THBS4: variants seen among roughly 807,000 people sequenced by gnomAD.
The protein encoded by THBS4 is thrombospondin 4, also known as thrombospondin-4.
THBS4 carries 90 observed loss-of-function variants against 115.7 expected under a neutral mutation model. The observed-to-expected ratio is 0.78, with a 90% CI of 0.66 to 0.93. The LOEUF (loss-of-function observed/expected upper bound fraction) is 0.93. Among genes scored for constraint, THBS4 ranks in the 40% least tolerant of loss-of-function variants. THBS4 has a pLI of 0.00. For synonymous variants in THBS4, 460 were observed against 479.3 expected, an observed-to-expected ratio of 0.96 and a Z score of 0.53; for missense variants, 1,087 against 1,232.7, an observed-to-expected ratio of 0.88 and a Z score of 1.77.
At chr5:80,060,000 C>A in intron 7 of THBS4, 95 bp downstream of exon 7, 1 of 1,246,026 alleles carries the variant, frequency 8.0e-7, no homozygotes, top group Non-Finnish European at 1.1e-6. Flanking sequence ...TAAGGGCTGA[C>A]TTGGGCTGTC....
In THBS4 at chr5:80,039,664, C is replaced by A. The variant is rs370944297; in HGVS notation, c.89-413C>A. Among the ~76,000 whole-genome samples the A allele has an allele frequency of 3.9e-5, 6 of 152,284 alleles. No homozygotes were observed. In the East Asian group the frequency reaches 5.8e-4, roughly 15 times the overall value. On this transcript the variant is annotated intron_variant, in intron 1 of 21. Transcript: ENST00000350881. ...ACAATTGGCTCTGGTCCTGGAGGTG[C>A]CTATGGGACTCCGTGACAGAAATTC... is the stretch of plus-strand genomic sequence containing the variant.
upstream of THBS4, among the ~76,000 whole-genome samples, chr5:80,031,546 T>C (rs1223975340): frequency 3.9e-5 from 6 of 152,250 alleles, no homozygotes; most frequent in African/African-American, 1.4e-4. Flanking sequence ...TGGAGTCAAC[T>C]AAACAGCTCT....
At chr5:80,059,322 T>C (rs1833542326) in intron 5 of THBS4, 118 bp from the exon 6 acceptor site, 2 of 970,212 alleles carry the variant, frequency 2.1e-6, no homozygotes, top group Non-Finnish European at 3.0e-6. Flanking sequence ...AGACTGAGAC[T>C]GTCTCAAAAA....
At chr5:80,067,845 A>G (rs1184002861) in intron 9 of THBS4, 128 bp from the exon 10 acceptor site, 2 of 1,056,082 alleles carry the variant, frequency 1.9e-6, no homozygotes, top group Non-Finnish European at 2.7e-6. Flanking sequence ...AGAAGAAGGC[A>G]TGGATCTGAT....
At chr5:80,036,417 C>T (rs943417748) in intron 1 of THBS4, among the ~76,000 whole-genome samples, 9 of 152,256 alleles carry the variant, frequency 5.9e-5, no homozygotes, top group African/African-American at 2.2e-4. Flanking sequence ...TTGGGTACTA[C>T]GTTCACTGGG....
chr5:80,009,673 T>G (rs1832083460), intron 2 of THBS4, among the ~76,000 whole-genome samples: 1 of 151,814 alleles, frequency 6.6e-6, no homozygotes, highest in African/African-American at 2.4e-5. Flanking sequence ...AAAACAGTGA[T>G]TCAAACAAGT....
intron 2 of THBS4, among the ~76,000 whole-genome samples, chr5:80,006,267 C>T (rs1832017263): frequency 6.6e-6 from 1 of 152,154 alleles, no homozygotes; most frequent in Non-Finnish European, 1.5e-5. Context: ...TCCCATAATT[C>T]CCACATGTTG....
At chr5:80,056,689 C>A (rs1368104558) in intron 3 of THBS4, among the ~76,000 whole-genome samples, 1 of 151,824 alleles carries the variant, frequency 6.6e-6, no homozygotes, top group Non-Finnish European at 1.5e-5. Context: ...AACTAGTATT[C>A]TTTGTCCTTT....
At chr5:79,992,529 A>G (rs548324943) in intron 1 of THBS4, among the ~76,000 whole-genome samples, 1 of 152,360 alleles carries the variant, frequency 6.6e-6, no homozygotes, top group South Asian at 2.1e-4. Flanking sequence ...AAGAAATGAA[A>G]AAGAGATATG....
intron 2 of THBS4, among the ~76,000 whole-genome samples, chr5:80,008,281 T>C (rs1353734515): frequency 6.6e-6 from 1 of 152,186 alleles, no homozygotes; most frequent in Admixed American, 6.5e-5. Context: ...AAGGCAAATG[T>C]CTCCATCTAA....
intron 4 of THBS4, 94 bp downstream of exon 4, chr5:80,058,408 A>G: frequency 1.1e-6 from 1 of 882,734 alleles, no homozygotes; most frequent in Non-Finnish European, 1.8e-6. Context: ...TGGGACTGTC[A>G]ACAGAGCAGC....
intron 15 of THBS4, 63 bp downstream of exon 15, chr5:80,073,390 G>GTTT: frequency 1.4e-5 from 17 of 1,187,952 alleles, no homozygotes; most frequent in Admixed American, 2.2e-5. Flanking sequence ...TTTTTGGTTT[G>GTTT]TTTTTTTTTT....
intron 2 of THBS4, among the ~76,000 whole-genome samples, chr5:80,017,245 AG>A (rs943982479): frequency 1.3e-5 from 2 of 152,160 alleles, no homozygotes; most frequent in African/African-American, 4.8e-5. Flanking sequence ...AAATAAAGAA[AG>A]CTTTTTCTTG....
rs373404797 is a variant in THBS4, at chr5:80,080,611, G to A, written c.2684+534G>A. On this transcript the variant is annotated intron_variant, in intron 20 of 21. Transcript: ENST00000350881. ...TTTTTTTTTTTTTTTTTTTGGAGAC[G>A]GAATCCCACTCTGTTGCCAGGCAGG... is the stretch of plus-strand genomic sequence containing the variant. Among the ~76,000 whole-genome samples, 8 of 56,082 alleles carry A rather than the reference G, an allele frequency of 1.4e-4. 1 individual carries two copies. Among genetic ancestry groups the A allele is most frequent in the African/African-American group, 3.1e-4 (5 of 16,252 alleles). 36.8% of individuals were successfully genotyped at this position (56,082 alleles called of 152,430 possible).
At chr5:80,052,682 G>T (rs1833292949) in intron 2 of THBS4, 1 of 151,976 alleles carries the variant, frequency 6.6e-6, no homozygotes, top group African/African-American at 2.4e-5. Flanking sequence ...ACGCCAACTG[G>T]CTCTCTTCAG....
chr5:80,078,857 G>A (rs1580992805), intron 17 of THBS4, 64 bp from the exon 18 acceptor site: 1 of 1,540,602 alleles, frequency 6.5e-7, no homozygotes, highest in East Asian at 2.3e-5. Flanking sequence ...CTGAGGTTTT[G>A]AGCTTCCTTA....
intron 20 of THBS4, among the ~76,000 whole-genome samples, chr5:80,080,831 C>T (rs1377911349): frequency 1.3e-5 from 2 of 151,860 alleles, no homozygotes; most frequent in South Asian, 2.1e-4. Context: ...GTGATCCACC[C>T]GCCTCGGCCT....
At chr5:80,002,150 C>T (rs1017911543) in intron 2 of THBS4, among the ~76,000 whole-genome samples, 1 of 152,136 alleles carries the variant, frequency 6.6e-6, no homozygotes, top group African/African-American at 2.4e-5. Context: ...AGTGAAATGA[C>T]AAACTGACCA....
chr5:80,044,619 T>G (rs1028780614), intron 2 of THBS4, among the ~76,000 whole-genome samples: 1 of 152,022 alleles, frequency 6.6e-6, no homozygotes, highest in African/African-American at 2.4e-5. Context: ...GAGATGGGGT[T>G]TTGCCATATT....
Sources: allele counts gnomAD v4.1 joint callset (sites outside exome capture counted in the v4.1 genomes callset), GRCh38; gene constraint gnomAD v4.1.1; transcripts MANE v1.5; gene names NCBI Gene and HGNC (gene_info 2026-07-23, HGNC 2026-07-21).